The following SSH2 variants were observed in gnomAD, a reference collection of about 807,000 sequenced individuals.
SSH2 encodes the protein slingshot protein phosphatase 2.
In SSH2, 37 loss-of-function variants were observed where a neutral mutation model predicts 135.2. The ratio of observed to expected loss-of-function variants is 0.27; its 90% confidence interval spans 0.21 to 0.36. The LOEUF (loss-of-function observed/expected upper bound fraction) is 0.36, where lower values mean the gene tolerates loss of function less well. SSH2 is among the 10% of genes least tolerant of loss of function. The pLI, the probability that SSH2 is intolerant of heterozygous loss-of-function variation, is 1.00. For synonymous variants in SSH2, 628 were observed against 646.2 expected, an observed-to-expected ratio of 0.97 and a Z score of 0.43; for missense variants, 1,408 against 1,765.3, an observed-to-expected ratio of 0.80 and a Z score of 3.63.
intron 3 of SSH2, among the ~76,000 whole-genome samples, chr17:29,703,792 T>C (rs1266786685): frequency 6.6e-6 from 1 of 152,070 alleles, no homozygotes; most frequent in African/African-American, 2.4e-5. Flanking sequence ...TTGGCCAGGC[T>C]GGTTTTGAAC....
At chr17:29,698,362 T>C (rs529930662) in intron 4 of SSH2, among the ~76,000 whole-genome samples, 1 of 152,276 alleles carries the variant, frequency 6.6e-6, no homozygotes, top group South Asian at 2.1e-4. Flanking sequence ...GTGGATTATA[T>C]CTCAATAAAG....
chr17:29,744,178 G>A (rs900184978), intron 3 of SSH2, among the ~76,000 whole-genome samples: 6 of 152,094 alleles, frequency 3.9e-5, no homozygotes, highest in African/African-American at 1.2e-4. Context: ...AGTGGGGGGC[G>A]CAGCTGGCCC....
intron 15 of SSH2, among the ~76,000 whole-genome samples, chr17:29,634,339 TCA>T (rs1192828874): frequency 6.6e-6 from 1 of 152,222 alleles, no homozygotes; most frequent in African/African-American, 2.4e-5. Flanking sequence ...AGTCAATCTG[TCA>T]CAGTTTATTT....
intron 3 of SSH2, among the ~76,000 whole-genome samples, chr17:29,764,104 C>G (rs1322044626): frequency 6.6e-6 from 1 of 152,014 alleles, no homozygotes; most frequent in Non-Finnish European, 1.5e-5. Flanking sequence ...TGTGTGCCAC[C>G]ATGCCTGGCT....
rs74561982 is a variant in SSH2, at chr17:29,631,179, C to T, written c.4015G>A (p.Gly1339Ser). The change falls in exon 16 of 16, where the codon GGT (glycine) becomes AGT (serine). Residue 1339 changes from glycine to serine, a missense_variant. Physicochemically the swap from Gly to Ser is moderately conservative, Grantham distance 56. Transcript: ENST00000540801. Reference protein sequence around the residue: ...MEDQESLENPGAPHNPEPTKS... With the variant: ...MEDQESLENPSAPHNPEPTKS... ...GTGGGCTCTGGGTTGTGGGGGGCAC[C>T]TGGGTTTTCTAGGGACTCTTGGTCC... The T allele has an allele frequency of 8.9e-4, 1,436 of 1,614,134 alleles. 20 individuals carry two copies. In the African/African-American group the frequency reaches 0.017, roughly 19 times the overall value.
chr17:29,924,816 G>C (rs972195350), intron 1 of SSH2, among the ~76,000 whole-genome samples: 3 of 152,112 alleles, frequency 2.0e-5, no homozygotes, highest in Admixed American at 1.3e-4. Context: ...GAGTTAATAG[G>C]CTTCAAACAA....
chr17:29,830,484 T>C (rs2042826275), intron 2 of SSH2, among the ~76,000 whole-genome samples: 1 of 152,214 alleles, frequency 6.6e-6, no homozygotes. Context: ...TACTTTCCGA[T>C]TTGCAGAATT....
At chr17:29,649,276 G>A (rs965488374) in intron 13 of SSH2, among the ~76,000 whole-genome samples, 9 of 150,740 alleles carry the variant, frequency 6.0e-5, no homozygotes, top group East Asian at 1.9e-4. Context: ...TGCCCCGTAC[G>A]TCTCTCCCTA....
At chr17:29,705,115 A>T (rs1379967771) in intron 3 of SSH2, among the ~76,000 whole-genome samples, 1 of 152,190 alleles carries the variant, frequency 6.6e-6, no homozygotes, top group Non-Finnish European at 1.5e-5. Flanking sequence ...CCTAATAGTC[A>T]TCCTTAGTGT....
rs1240757273 is a variant in SSH2, at chr17:29,671,966, G to A, written c.778C>T (p.Arg260Trp). 8 of 1,613,660 alleles carry A rather than the reference G, an allele frequency of 5.0e-6. No homozygotes were observed. Among genetic ancestry groups the A allele is most frequent in the African/African-American group, 2.7e-5 (2 of 74,896 alleles). ...GTGAAGAGAGCTGGAGAGTCGGGCCGGTGGGACTGTACATCTTGCATTGCA... is the reference window on the plus strand; with the variant it reads ...GTGAAGAGAGCTGGAGAGTCGGGCCAGTGGGACTGTACATCTTGCATTGCA... ...WNAMQDVQSH[R>W]PDSPALFTDI... Residue 260 changes from arginine to tryptophan, a missense_variant, in exon 9 of 16, where the codon CGG (arginine) becomes TGG (tryptophan). By Grantham distance (101) the Arg-to-Trp change is moderately radical. Transcript: ENST00000540801.
In SSH2 at chr17:29,632,003, C is replaced by A; in HGVS notation, c.3191G>T (p.Gly1064Val). 1 of 1,614,182 alleles carries A rather than the reference C, an allele frequency of 6.2e-7. No individual in the cohort carries two copies. Among genetic ancestry groups the A allele is most frequent in the Non-Finnish European group, 8.5e-7 (1 of 1,180,020 alleles). The change falls in exon 16 of 16, where the codon GGA becomes GTA. Residue 1064 changes from glycine to valine, a missense_variant. By Grantham distance (109) the Gly-to-Val change is moderately radical. Transcript: ENST00000540801. The stretch of plus-strand genomic sequence containing the variant: ...GTTCACTTTCCTCAGCCCTTGCTCT[C>A]CGCTCTTCTCACTGGTGGCTATTTC... The part of the protein sequence containing the change: ...GSEIATSEKS[G>V]EQGLRKVNME...
rs116422282 is a variant in SSH2, at chr17:29,726,315, A to G, written c.189-23253T>C. Among the ~76,000 whole-genome samples, 757 of 152,250 alleles carry G rather than the reference A, an allele frequency of 5.0e-3. 8 individuals are homozygous for G. Among genetic ancestry groups the G allele is most frequent in the African/African-American group, 0.017 (717 of 41,550 alleles). ...AGAGGGACAGAACAACTTCAATCCT[A>G]TTGTATGGGGAAACAGTGGAGAGGG... On this transcript the variant is annotated intron_variant, in intron 3 of 15. Transcript: ENST00000540801.
chr17:29,767,391 A>G (rs2041472000), intron 3 of SSH2, among the ~76,000 whole-genome samples: 1 of 142,990 alleles, frequency 7.0e-6, no homozygotes, highest in African/African-American at 2.6e-5. Flanking sequence ...TTTTTTTTAG[A>G]CCTCTCAGGG....
intron 3 of SSH2, among the ~76,000 whole-genome samples, chr17:29,760,094 T>C (rs1051521709): frequency 3.9e-5 from 6 of 152,206 alleles, no homozygotes; most frequent in Non-Finnish European, 2.9e-5. Context: ...ACGAGTTTAA[T>C]TCGATTTGGT....
intron 14 of SSH2, chr17:29,643,188 T>A: frequency 1.0e-6 from 1 of 985,218 alleles, no homozygotes; most frequent in Non-Finnish European, 1.2e-6. Flanking sequence ...AGATCTGGAG[T>A]GGTACTTTGG....
chr17:29,926,231 T>C (rs1022461709), intron 1 of SSH2, among the ~76,000 whole-genome samples: 35 of 151,968 alleles, frequency 2.3e-4, no homozygotes, highest in African/African-American at 8.5e-4. Flanking sequence ...CTGGCTCATA[T>C]CTACTAGATC....
In SSH2 at chr17:29,626,097, G is replaced by A. The variant is rs1279549366; in HGVS notation, c.*4744C>T. 1 of 152,572 alleles carries A rather than the reference G, an allele frequency of 6.6e-6. No individual in the cohort carries two copies. Among genetic ancestry groups the A allele is most frequent in the Non-Finnish European group, 1.5e-5 (1 of 68,034 alleles). The allele number at this position is 152,572 out of a possible 1,614,324, so 9.5% of individuals were successfully genotyped here. On this transcript the variant is annotated 3_prime_UTR_variant, in exon 16 of 16. Coordinates refer to ENST00000540801, the MANE Select transcript of SSH2 (RefSeq NM_001282129.2). ...AACCACCAGGAAGATTAAGGAAGGA[G>A]ATGAGACCACTCTATATTCTGCTTC...
chr17:29,863,646 G>C (rs1250756941), intron 1 of SSH2: 1 of 152,138 alleles, frequency 6.6e-6, no homozygotes, highest in Non-Finnish European at 1.5e-5. Context: ...TCAGAACCTT[G>C]ACAACTGCAT....
chr17:29,751,213 C>T (rs568186218), intron 3 of SSH2, among the ~76,000 whole-genome samples: 4 of 152,208 alleles, frequency 2.6e-5, no homozygotes, highest in African/African-American at 7.2e-5. Flanking sequence ...GTCCAGAGTT[C>T]GAGACCAGCC....
Sources: gnomAD v4.1 joint callset for allele counts (sites outside exome capture counted in the v4.1 genomes callset) on GRCh38, gnomAD v4.1.1 for gene constraint, MANE v1.5 for transcripts, NCBI Gene and HGNC (gene_info 2026-07-23, HGNC 2026-07-21) for gene names.